The following DEPTOR variants were observed in gnomAD, a reference collection of about 807,000 sequenced individuals.
The protein encoded by DEPTOR is DEP domain-containing mTOR-interacting protein.
Under a neutral mutation model 41.6 loss-of-function variants are expected in DEPTOR, and 41 were observed. The ratio of observed to expected loss-of-function variants is 0.98; its 90% CI spans 0.77 to 1.28. DEPTOR has a LOEUF of 1.28. Among genes scored for constraint, DEPTOR ranks in the 50% most tolerant of loss-of-function variants. DEPTOR has a pLI of 0.00. For synonymous variants in DEPTOR, 195 were observed against 192.3 expected (o/e 1.01, Z -0.12); for missense variants, 514 against 527.9 (o/e 0.97, Z 0.26).
chr8:119,974,322 A>T (rs564482156), intron 4 of DEPTOR, among the ~76,000 whole-genome samples: 17 of 151,936 alleles, frequency 1.1e-4, no homozygotes, highest in Non-Finnish European at 4.4e-5. Flanking sequence ...GAGGAAAAAT[A>T]ATTTTTTCTT....
chr8:119,893,026 A>G (rs947353505), intron 1 of DEPTOR, among the ~76,000 whole-genome samples: 3 of 152,110 alleles, frequency 2.0e-5, no homozygotes, highest in East Asian at 1.9e-4. Context: ...CAGGTTATCC[A>G]CCTGCCTCGG....
chr8:119,992,767 G>A lies in DEPTOR; in HGVS notation c.605-8758G>A, dbSNP rs1012708195. ...TGCTTCCTGGGTTCAAGTGATTCTC[G>A]TGCCTCAGTCTCCCAAGTAGCTGGA... On this transcript the variant is annotated intron_variant, in intron 4 of 8. Coordinates refer to ENST00000286234, the MANE Select transcript of DEPTOR (RefSeq NM_022783.4). 4.7e-5 allele frequency among the ~76,000 whole-genome samples: 7 copies of A among 149,428 alleles called. No individual in the cohort carries two copies. The East Asian group carries it at 6.0e-4, about 13-fold the overall frequency.
In DEPTOR at chr8:120,049,991, C is replaced by T. The variant is rs1008133423; in HGVS notation, c.*287C>T. The T allele has an allele frequency of 4.4e-5, 10 of 228,798 alleles. No individual in the cohort carries two copies. The highest frequency in any genetic ancestry group is 6.8e-5 in the Non-Finnish European group (8 of 117,754). 14.2% of individuals were successfully genotyped at this position (228,798 alleles called of 1,614,324 possible). On this transcript the variant is annotated 3_prime_UTR_variant, in exon 9 of 9. Transcript: ENST00000286234. ...GTAGCTCTCATTCATTGTTTTTTATCTTAGTTTGCAGAAAGGTGTTGAAAT... is the reference window on the plus strand; with the variant it reads ...GTAGCTCTCATTCATTGTTTTTTATTTTAGTTTGCAGAAAGGTGTTGAAAT...
rs375515870 is a variant in DEPTOR, at chr8:120,006,854, G to C, written c.975G>C (p.Pro325=). The change falls in exon 7 of 9, where the codon CCG becomes CCC. Residue 325 remains proline, a synonymous_variant. Coordinates refer to ENST00000286234, the MANE Select transcript of DEPTOR (RefSeq NM_022783.4). ...AGGAACTCCTTACTCCCGGGGCTCCGTATGCAAGGAAGACATTCACGGTAG... is the reference window on the plus strand; with the variant it reads ...AGGAACTCCTTACTCCCGGGGCTCCCTATGCAAGGAAGACATTCACGGTAG... ...TSEELLTPGA[P]YARKTFTIVG... is the part of the protein sequence containing the mutation. The C allele has an allele frequency of 6.2e-7, 1 of 1,614,144 alleles. No individual in the cohort carries two copies. Among genetic ancestry groups the C allele is most frequent in the Admixed American group, 1.7e-5 (1 of 60,024 alleles).
intron 1 of DEPTOR, among the ~76,000 whole-genome samples, chr8:119,896,498 T>TTTTCG (rs1554671567): frequency 6.6e-6 from 1 of 150,752 alleles, no homozygotes; most frequent in Non-Finnish European, 1.5e-5. Flanking sequence ...TTTCTTTGTG[T>TTTTCG]TTTTGTTTTG....
intron 4 of DEPTOR, among the ~76,000 whole-genome samples, chr8:119,996,483 T>C (rs1448403011): frequency 6.6e-6 from 1 of 152,230 alleles, no homozygotes; most frequent in Non-Finnish European, 1.5e-5. Flanking sequence ...GAGAATGTGA[T>C]GAAGAAGGAC....
chr8:119,916,024 T>G (rs1456844773), intron 1 of DEPTOR, among the ~76,000 whole-genome samples: 1 of 151,042 alleles, frequency 6.6e-6, no homozygotes, highest in Admixed American at 6.6e-5. Flanking sequence ...CTGACTCTCA[T>G]TTAATCCTCT....
At chr8:119,936,602 G>A (rs997437307) in intron 3 of DEPTOR, among the ~76,000 whole-genome samples, 2 of 152,190 alleles carry the variant, frequency 1.3e-5, no homozygotes, top group African/African-American at 4.8e-5. Context: ...TAGACCCTAG[G>A]TAAGGAACTG....
intron 1 of DEPTOR, among the ~76,000 whole-genome samples, chr8:119,883,271 A>G (rs989136549): frequency 4.9e-4 from 74 of 151,788 alleles, no homozygotes; most frequent in Non-Finnish European, 4.4e-5. Flanking sequence ...TCAGGAGATC[A>G]AGACCATCCT....
intron 1 of DEPTOR, among the ~76,000 whole-genome samples, chr8:119,901,843 T>C (rs949968843): frequency 2.0e-5 from 3 of 152,168 alleles, no homozygotes; most frequent in African/African-American, 7.2e-5. Context: ...GAGATGAAAA[T>C]GTAAGGAAAT....
chr8:119,878,049 A>G lies in DEPTOR; in HGVS notation c.122+4081A>G, dbSNP rs1341095320. Among the ~76,000 whole-genome samples, 4 of 152,072 alleles carry G rather than the reference A, an allele frequency of 2.6e-5. No individual in the cohort carries two copies. In the East Asian group the frequency reaches 7.8e-4, roughly 29 times the overall value. On this transcript the variant is annotated intron_variant, in intron 1 of 8. Transcript: ENST00000286234. ...GGGTTCAAGAGATTCTCCTGCCTCA[A>G]CGTCCCAAGTAGCTGGGATTACAGG... is the stretch of plus-strand genomic sequence containing the variant.
chr8:120,007,579 TCTC>T (rs1225154070), intron 7 of DEPTOR, among the ~76,000 whole-genome samples: 2 of 152,138 alleles, frequency 1.3e-5, no homozygotes, highest in East Asian at 1.9e-4. Flanking sequence ...CTTCTGTCAA[TCTC>T]CTCAAATTCA....
intron 3 of DEPTOR, 108 bp downstream of exon 3, chr8:119,930,046 T>G (rs1828021396): frequency 3.0e-6 from 4 of 1,340,158 alleles, no homozygotes; most frequent in Non-Finnish European, 4.0e-6. Context: ...GTGGGCTGGT[T>G]ACATAACTGT....
intron 4 of DEPTOR, among the ~76,000 whole-genome samples, chr8:119,996,567 G>A (rs1347986654): frequency 6.6e-6 from 1 of 152,162 alleles, no homozygotes; most frequent in African/African-American, 2.4e-5. Context: ...TATAGAGGTG[G>A]GGAGGTATAA....
At chr8:119,897,496 G>C (rs1827535564) in intron 1 of DEPTOR, among the ~76,000 whole-genome samples, 1 of 152,116 alleles carries the variant, frequency 6.6e-6, no homozygotes, top group South Asian at 2.1e-4. Context: ...TTGCACCATT[G>C]CACTCCAGCC....
chr8:119,953,259 G>C (rs1828375860), intron 3 of DEPTOR, among the ~76,000 whole-genome samples: 1 of 152,114 alleles, frequency 6.6e-6, no homozygotes, highest in Non-Finnish European at 1.5e-5. Flanking sequence ...TTTATGCTAG[G>C]GTTCAAGAAA....
intron 3 of DEPTOR, among the ~76,000 whole-genome samples, chr8:119,941,407 G>A (rs1231130358): frequency 6.8e-6 from 1 of 146,488 alleles, no homozygotes; most frequent in Admixed American, 6.8e-5. Context: ...AGGTTAGAAT[G>A]GTAAATTTTA....
chr8:119,907,197 T>C (rs1056894513), intron 1 of DEPTOR, among the ~76,000 whole-genome samples: 1 of 152,118 alleles, frequency 6.6e-6, no homozygotes, highest in Non-Finnish European at 1.5e-5. Flanking sequence ...TTCCTACTAA[T>C]GGATGGATTG....
chr8:120,016,756 A>G (rs1812617706), intron 8 of DEPTOR, among the ~76,000 whole-genome samples: 1 of 151,776 alleles, frequency 6.6e-6, no homozygotes, highest in Admixed American at 6.6e-5. Context: ...ACATCATGCC[A>G]CCATGCCTGG....
Sources: allele counts gnomAD v4.1 joint callset (sites outside exome capture counted in the v4.1 genomes callset), GRCh38; gene constraint gnomAD v4.1.1; transcripts MANE v1.5; gene names NCBI Gene and HGNC (gene_info 2026-07-23, HGNC 2026-07-21).